FGF14: variants seen among roughly 807,000 people sequenced by gnomAD.
FGF14 encodes fibroblast growth factor 14, also known as fibroblast growth factor homologous factor 4.
A neutral mutation model predicts 25.5 loss-of-function variants in FGF14; 5 were observed. The observed-to-expected ratio is 0.20, with a 90% CI of 0.10 to 0.41. FGF14 has a LOEUF of 0.41. Among genes scored for constraint, FGF14 ranks in the 10% least tolerant of loss-of-function variants. The probability of loss-of-function intolerance (pLI) is 1.00; values close to 1 mark genes in which losing one functional copy is unlikely to be tolerated. For synonymous variants in FGF14, 138 were observed against 118.3 expected, an observed-to-expected ratio of 1.17 and a Z score of -1.08; for missense variants, 222 against 320.1, an observed-to-expected ratio of 0.69 and a Z score of 2.34.
intron 3 of FGF14, among the ~76,000 whole-genome samples, chr13:101,866,702 C>T (rs2044725909): frequency 6.6e-6 from 1 of 152,054 alleles, no homozygotes; most frequent in South Asian, 2.1e-4. Context: ...ATTATTTGTA[C>T]TGAAATATTT....
chr13:102,326,688 G>A (rs2056442795), intron 1 of FGF14, among the ~76,000 whole-genome samples: 1 of 58,322 alleles, frequency 1.7e-5, no homozygotes, highest in African/African-American at 8.1e-5. Context: ...GGGAAGGGAA[G>A]GGAAGGGAAG....
At chr13:102,265,769 T>C (rs1485806883) in intron 1 of FGF14, among the ~76,000 whole-genome samples, 2 of 152,104 alleles carry the variant, frequency 1.3e-5, no homozygotes, top group Non-Finnish European at 2.9e-5. Flanking sequence ...TGAAAACACT[T>C]TACCTAAGAA....
chr13:101,723,219 C>A, intron 4 of FGF14: 1 of 496,694 alleles, frequency 2.0e-6, no homozygotes, highest in Non-Finnish European at 3.7e-6. Flanking sequence ...TTGTCTAGGA[C>A]AGCAGGTTTA....
In FGF14 at chr13:102,140,493, A is replaced by T. The variant is rs551517466; in HGVS notation, c.208+260978T>A. ...AGTGTATCATTCCATTATTTTAGAG[A>T]TAAAAGGCTGAAAACTACCTGTAAA... On this transcript the variant is annotated intron_variant, in intron 1 of 4. Coordinates refer to the FGF14 transcript ENST00000376131. Among the ~76,000 whole-genome samples the T allele has an allele frequency of 2.0e-5, 3 of 152,296 alleles. No homozygotes were observed. In the East Asian group the frequency reaches 5.8e-4, roughly 29 times the overall value.
intron 3 of FGF14, among the ~76,000 whole-genome samples, chr13:101,775,241 T>C (rs951340310): frequency 6.6e-5 from 10 of 152,124 alleles, no homozygotes; most frequent in Middle Eastern, 3.2e-3. Context: ...ATAGAACAGT[T>C]CTTAATTTAC....
intron 3 of FGF14, among the ~76,000 whole-genome samples, chr13:101,864,868 TATC>T (rs1566339354): frequency 6.6e-6 from 1 of 152,140 alleles, no homozygotes; most frequent in African/African-American, 2.4e-5. Context: ...AAGATTACCT[TATC>T]ATTCAGAAAA....
At chr13:102,005,559 C>T (rs991049902) in intron 1 of FGF14, among the ~76,000 whole-genome samples, 1 of 152,110 alleles carries the variant, frequency 6.6e-6, no homozygotes, top group Non-Finnish European at 1.5e-5. Context: ...CACATCAGCA[C>T]AAGCAAATAT....
chr13:102,090,656 G>A (rs943738373), intron 1 of FGF14, among the ~76,000 whole-genome samples: 4 of 152,326 alleles, frequency 2.6e-5, no homozygotes, highest in South Asian at 2.1e-4. Context: ...CGTCCTCTGC[G>A]TGCCTTTTTC....
chr13:101,958,130 C>T (rs981479564), intron 1 of FGF14, among the ~76,000 whole-genome samples: 1 of 152,328 alleles, frequency 6.6e-6, no homozygotes, highest in Admixed American at 6.5e-5. Context: ...CTTCCTCCTA[C>T]TCAGCTTTCA....
At chr13:102,276,071 G>A (rs1041081722) in intron 1 of FGF14, among the ~76,000 whole-genome samples, 2 of 151,802 alleles carry the variant, frequency 1.3e-5, no homozygotes, top group African/African-American at 4.8e-5. Flanking sequence ...GACTATAAAA[G>A]TTAGTAATTC....
At chr13:102,041,109 TG>T (rs2041711360) in intron 1 of FGF14, among the ~76,000 whole-genome samples, 1 of 152,170 alleles carries the variant, frequency 6.6e-6, no homozygotes, top group Non-Finnish European at 1.5e-5. Flanking sequence ...AAACAAATAT[TG>T]TATGTTGTAC....
At chr13:101,907,103 A>G (rs1414938434) in intron 1 of FGF14, among the ~76,000 whole-genome samples, 3 of 152,162 alleles carry the variant, frequency 2.0e-5, no homozygotes, top group Non-Finnish European at 4.4e-5. Flanking sequence ...TCACAAATCT[A>G]TTATATTTAA....
chr13:101,939,202 T>G (rs1478164174), intron 1 of FGF14, among the ~76,000 whole-genome samples: 2 of 152,240 alleles, frequency 1.3e-5, no homozygotes. Context: ...TGTTATACTT[T>G]CTCATTCCAG....
At chr13:102,185,734 G>A (rs1206148869) in intron 1 of FGF14, among the ~76,000 whole-genome samples, 2 of 152,248 alleles carry the variant, frequency 1.3e-5, no homozygotes, top group Middle Eastern at 3.4e-3. Flanking sequence ...CCTGTATTTG[G>A]AGATGGATCC....
At chr13:102,314,304 A>G (rs1245767082) in intron 1 of FGF14, among the ~76,000 whole-genome samples, 2 of 152,182 alleles carry the variant, frequency 1.3e-5, no homozygotes, top group African/African-American at 4.8e-5. Flanking sequence ...GTCTCTCTCC[A>G]CCGATGGCCC....
At chr13:102,330,420 ACT>A (rs938063991) in intron 1 of FGF14, among the ~76,000 whole-genome samples, 1 of 151,850 alleles carries the variant, frequency 6.6e-6, no homozygotes, top group Non-Finnish European at 1.5e-5. Flanking sequence ...GCAATTCTCA[ACT>A]CTCTCTCCTG....
intron 1 of FGF14, among the ~76,000 whole-genome samples, chr13:102,302,401 G>A (rs2055115636): frequency 6.6e-6 from 1 of 151,936 alleles, no homozygotes. Context: ...AAATCCCTGT[G>A]CTGTAAAGAT....
At chr13:102,161,870 C>A (rs1001000066) in intron 1 of FGF14, among the ~76,000 whole-genome samples, 1 of 150,710 alleles carries the variant, frequency 6.6e-6, no homozygotes, top group African/African-American at 2.4e-5. Flanking sequence ...AATGACATTG[C>A]TCACTATATG....
At chr13:102,229,697 C>T (rs2050991461) in intron 1 of FGF14, among the ~76,000 whole-genome samples, 1 of 152,160 alleles carries the variant, frequency 6.6e-6, no homozygotes, top group South Asian at 2.1e-4. Flanking sequence ...CTTCTCAGGC[C>T]TTGGTCATGG....
Sources: allele counts gnomAD v4.1 joint callset (sites outside exome capture counted in the v4.1 genomes callset), GRCh38; gene constraint gnomAD v4.1.1; transcripts MANE v1.5; gene names NCBI Gene and HGNC (gene_info 2026-07-23, HGNC 2026-07-21).